Variants in VIRMA observed in about 807,000 individuals in gnomAD.
The protein encoded by VIRMA is protein virilizer homolog.
A neutral mutation model predicts 182.4 loss-of-function variants in VIRMA; 65 were observed. That is an observed-to-expected ratio of 0.36 (90% CI 0.29 to 0.44). The LOEUF is 0.44. VIRMA is among the 20% of genes least tolerant of loss of function. The pLI is 1.00. For missense variants in VIRMA, 1,752 were observed against 2,158.1 expected, an observed-to-expected ratio of 0.81 and a Z score of 3.73; for synonymous variants, 709 against 743.1, an observed-to-expected ratio of 0.95 and a Z score of 0.75.
intron 3 of VIRMA, 29 bp downstream of exon 3, chr8:94,538,231 T>C: frequency 7.0e-7 from 1 of 1,427,146 alleles, no homozygotes; most frequent in Non-Finnish European, 9.9e-7. Flanking sequence ...CTCATGAGTT[T>C]CTGGTGAAAT....
In VIRMA at chr8:94,491,881, T is replaced by C; in HGVS notation, c.4837A>G (p.Lys1613Glu). The change falls in exon 22 of 24, where the codon AAA becomes GAA. Residue 1613 changes from lysine (K) to glutamate (E), a missense_variant. By Grantham distance (56) the Lys-to-Glu change is moderately conservative (BLOSUM62 1). This residue lies in a region of VIRMA where 27 missense variants were observed against 60.8 expected (regional missense o/e 0.44). Transcript: ENST00000297591. ...SGKSEYIEPA[K>E]RAHVVPPPRG... is the part of the protein sequence containing the mutation. ...GGTGGTGGCACAACATGAGCTCTTT[T>C]GGCAGGTTCAATGTATTCAGATTTT... is the stretch of plus-strand genomic sequence containing the variant. 1 of 1,605,270 alleles carries C rather than the reference T, an allele frequency of 6.2e-7. No homozygotes were observed. The highest frequency in any genetic ancestry group is 8.5e-7 in the Non-Finnish European group (1 of 1,174,582).
At position 94,509,820 on chromosome 8, in the gene VIRMA, A is replaced by G; in HGVS notation, c.3747T>C (p.Thr1249=). The change falls in exon 15 of 24, where the codon ACT becomes ACC. Residue 1249 remains threonine, a synonymous_variant. Transcript: ENST00000297591. ...KLAILHLING[T]IKGDERYAEI... is the part of the protein sequence containing the mutation. ...CTGCATATCTTTCATCACCTTTAAT[A>G]GTTCCATTAATTAGATGCAAAATAG... The G allele has an allele frequency of 7.4e-6, 12 of 1,614,096 alleles. No individual in the cohort carries two copies. The highest frequency in any genetic ancestry group is 1.0e-5 in the Non-Finnish European group (12 of 1,179,980).
intron 16 of VIRMA, among the ~76,000 whole-genome samples, chr8:94,500,049 T>A (rs1273390853): frequency 1.2e-5 from 1 of 80,676 alleles, no homozygotes; most frequent in Admixed American, 1.2e-4. Flanking sequence ...TGAGGCTTCA[T>A]CTCAAAAAAA....
At position 94,526,298 on chromosome 8, in the gene VIRMA, G is replaced by A; in HGVS notation, c.1946C>T (p.Pro649Leu). The A allele has an allele frequency of 6.2e-7, 1 of 1,614,030 alleles. No individual in the cohort carries two copies. Among genetic ancestry groups the A allele is most frequent in the Non-Finnish European group, 8.5e-7 (1 of 1,179,908 alleles). ...TGCCATCGTTGGGAAAGACTTAACA[G>A]GTTGTTGGATCATTGTATGAGGGGC... ...ETAPHTMIQQ[P>L]VKSFPTMARI... The change falls in exon 8 of 24, where the codon CCT (proline) becomes CTT (leucine). Residue 649 changes from proline (P) to leucine (L), a missense_variant. By Grantham distance (98) the Pro-to-Leu change is moderately conservative. This residue lies in a region of VIRMA where 401 missense variants were observed against 455.1 expected (regional missense o/e 0.88). Transcript: ENST00000297591.
At chr8:94,549,101 G>A (rs1283900622) in intron 1 of VIRMA, among the ~76,000 whole-genome samples, 1 of 152,018 alleles carries the variant, frequency 6.6e-6, no homozygotes, top group Non-Finnish European at 1.5e-5. Context: ...TTTCATTCAC[G>A]GGAACACTAT....
Position 94,512,070 on chromosome 8 carries a change from G to T in VIRMA, c.2771C>A (p.Thr924Asn), listed in dbSNP as rs567008183. 5 of 1,496,378 alleles carry T rather than the reference G, an allele frequency of 3.3e-6. No homozygotes were observed. The allele number at this position is 1,496,378 out of a possible 1,614,324, so 92.7% of individuals were successfully genotyped here. A position where few individuals can be genotyped will look rare whatever the true frequency, so the allele number is the denominator to read the frequency against. Residue 924 changes from threonine (T) to asparagine (N), a missense_variant, in exon 12 of 24, where the codon ACC becomes AAC. Physicochemically the swap from Thr to Asn is moderately conservative, Grantham distance 65. Transcript: ENST00000297591. Reference protein sequence around the residue: ...YVKQNIDNLMTPEGVGLTTAL... With the variant: ...YVKQNIDNLMNPEGVGLTTAL... ...AGTGGTAAGGCCAACTCCTTCTGGG[G>T]TCATCAAGTTATCGATATTCTTTAA...
At chr8:94,552,317 C>T (rs1393070638) in intron 1 of VIRMA, among the ~76,000 whole-genome samples, 2 of 151,936 alleles carry the variant, frequency 1.3e-5, no homozygotes, top group Admixed American at 1.3e-4. Context: ...TCACTACCCA[C>T]TATCATTACT....
chr8:94,533,495 GC>G (rs1429576698), intron 5 of VIRMA: 1 of 152,352 alleles, frequency 6.6e-6, no homozygotes, highest in African/African-American at 2.4e-5. Context: ...AGGCTGGAGT[GC>G]AGTGGCATGA....
chr8:94,528,031 G>A (rs559728623), intron 7 of VIRMA, among the ~76,000 whole-genome samples: 16 of 152,072 alleles, frequency 1.1e-4, no homozygotes, highest in African/African-American at 3.4e-4. Flanking sequence ...TCAGGAGTCC[G>A]AGACCAGCCT....
intron 17 of VIRMA, chr8:94,496,702 C>G: frequency 2.5e-6 from 1 of 403,476 alleles, no homozygotes; most frequent in Non-Finnish European, 4.3e-6. Context: ...ATATATTTTA[C>G]TGGCACCAAG....
intron 10 of VIRMA, 147 bp from the exon 11 acceptor site, chr8:94,515,098 CTT>C (rs796163204): frequency 6.7e-3 from 2,060 of 309,678 alleles, no homozygotes; most frequent in South Asian, 0.01. Flanking sequence ...GCATCTAATT[CTT>C]TTTTTTTTTT....
chr8:94,545,028 G>C (rs150694846), intron 1 of VIRMA, among the ~76,000 whole-genome samples: 2,426 of 152,230 alleles, frequency 0.016, 63 homozygotes, highest in African/African-American at 0.055. Flanking sequence ...AGGGGGCTGA[G>C]GTAGGAGGAT....
intron 16 of VIRMA, among the ~76,000 whole-genome samples, chr8:94,503,479 T>G (rs1438940388): frequency 1.3e-5 from 2 of 152,058 alleles, no homozygotes; most frequent in Non-Finnish European, 2.9e-5. Context: ...TTGAGGGACA[T>G]TCTACAAAAC....
chr8:94,536,973 C>T (rs1815367320), intron 4 of VIRMA, 130 bp downstream of exon 4: 5 of 702,086 alleles, frequency 7.1e-6, no homozygotes, highest in Admixed American at 2.3e-5. Context: ...AGCGAGACTC[C>T]GTCTCAAAAA....
chr8:94,540,590 T>C (rs1002551430), intron 2 of VIRMA, among the ~76,000 whole-genome samples: 1 of 151,694 alleles, frequency 6.6e-6, no homozygotes, highest in African/African-American at 2.4e-5. Context: ...GCAACCCAAG[T>C]AGCTGAGACT....
At chr8:94,522,941 G>C (rs1188137964) in intron 8 of VIRMA, among the ~76,000 whole-genome samples, 1 of 151,912 alleles carries the variant, frequency 6.6e-6, no homozygotes, top group Non-Finnish European at 1.5e-5. Flanking sequence ...CAACCATTCT[G>C]GGCCCTTTAT....
At chr8:94,506,167 C>A (rs949269601) in intron 16 of VIRMA, among the ~76,000 whole-genome samples, 25 of 152,196 alleles carry the variant, frequency 1.6e-4, no homozygotes, top group African/African-American at 6.0e-4. Context: ...TAAAATCCCT[C>A]TAGCATCCAT....
intron 2 of VIRMA, among the ~76,000 whole-genome samples, chr8:94,543,426 G>GAGT (rs1460185908): frequency 1.6e-4 from 21 of 133,100 alleles, no homozygotes; most frequent in Non-Finnish European, 2.8e-4. Flanking sequence ...AAAAAAAAAG[G>GAGT]AGTAATAATA....
chr8:94,521,582 G>T (rs190836849), intron 8 of VIRMA, among the ~76,000 whole-genome samples: 1 of 152,126 alleles, frequency 6.6e-6, no homozygotes, highest in East Asian at 1.9e-4. Context: ...AAGTTAAAAA[G>T]AATAAAATTA....
Sources: gnomAD v4.1 joint callset for allele counts (sites outside exome capture counted in the v4.1 genomes callset) on GRCh38, gnomAD v4.1.1 for gene constraint, gnomAD v4.1.1 regional missense constraint, MANE v1.5 for transcripts, NCBI Gene and HGNC (gene_info 2026-07-23, HGNC 2026-07-21) for gene names.